TMEM132D: variants seen among roughly 807,000 people sequenced by gnomAD.
TMEM132D encodes the protein mature OL transmembrane protein.
A neutral mutation model predicts 62.3 loss-of-function variants in TMEM132D; 21 were observed. The ratio of observed to expected loss-of-function variants is 0.34; its 90% CI spans 0.24 to 0.49. The LOEUF is 0.49. TMEM132D is among the 20% of genes least tolerant of loss of function. The pLI is 0.99. For missense variants in TMEM132D, 1,346 were observed against 1,402.8 expected (o/e 0.96, Z 0.65); for synonymous variants, 621 against 575.6 (o/e 1.08, Z -1.13).
At chr12:129,390,377 C>T (rs1871258750) in intron 3 of TMEM132D, among the ~76,000 whole-genome samples, 1 of 152,286 alleles carries the variant, frequency 6.6e-6, no homozygotes, top group East Asian at 1.9e-4. Flanking sequence ...CACTTCTTGT[C>T]TACAATTACC....
chr12:129,571,358 G>A (rs1459271068), intron 2 of TMEM132D, among the ~76,000 whole-genome samples: 1 of 152,174 alleles, frequency 6.6e-6, no homozygotes, highest in Non-Finnish European at 1.5e-5. Context: ...GAGGTCAGTA[G>A]TTCAAGACCA....
At chr12:129,710,844 C>T (rs1343037128) in intron 1 of TMEM132D, among the ~76,000 whole-genome samples, 1 of 148,386 alleles carries the variant, frequency 6.7e-6, no homozygotes, top group Non-Finnish European at 1.5e-5. Flanking sequence ...TGTGTTCAGC[C>T]TTAGTGCGCA....
intron 5 of TMEM132D, among the ~76,000 whole-genome samples, chr12:129,096,310 T>C (rs1431525133): frequency 1.3e-5 from 2 of 151,948 alleles, no homozygotes; most frequent in Non-Finnish European, 2.9e-5. Flanking sequence ...CACAGTGGGA[T>C]CGTGAGGTCT....
chr12:129,146,812 T>C (rs1876913047), intron 5 of TMEM132D, among the ~76,000 whole-genome samples: 1 of 152,142 alleles, frequency 6.6e-6, no homozygotes, highest in Admixed American at 6.5e-5. Context: ...CGCAACACAC[T>C]CTTCCAAAGG....
At chr12:129,387,541 T>C (rs1380151913) in intron 3 of TMEM132D, among the ~76,000 whole-genome samples, 3 of 151,502 alleles carry the variant, frequency 2.0e-5, no homozygotes, top group African/African-American at 7.3e-5. Context: ...ACTAATACTA[T>C]GTGCCAAGAC....
intron 3 of TMEM132D, among the ~76,000 whole-genome samples, chr12:129,514,296 C>CT (rs1330397961): frequency 6.6e-5 from 10 of 152,166 alleles, no homozygotes; most frequent in African/African-American, 1.7e-4. Context: ...TTCATTTCTT[C>CT]TTTTTTCTCC....
chr12:129,218,319 T>A (rs1879264854), intron 4 of TMEM132D, among the ~76,000 whole-genome samples: 1 of 152,208 alleles, frequency 6.6e-6, no homozygotes, highest in Non-Finnish European at 1.5e-5. Context: ...GAGAAATGCA[T>A]TGTTAGGCGA....
chr12:129,626,390 A>G (rs1879214348), intron 2 of TMEM132D, among the ~76,000 whole-genome samples: 1 of 152,234 alleles, frequency 6.6e-6, no homozygotes, highest in South Asian at 2.1e-4. Flanking sequence ...AGAAAACATC[A>G]ACATTCAACA....
At chr12:129,898,965 G>A (rs1314593164) in intron 1 of TMEM132D, among the ~76,000 whole-genome samples, 1 of 152,222 alleles carries the variant, frequency 6.6e-6, no homozygotes, top group Admixed American at 6.5e-5. Context: ...GAGGCACTTT[G>A]ACATCTAGAG....
At chr12:129,253,617 C>A (rs1292247113) in intron 4 of TMEM132D, among the ~76,000 whole-genome samples, 1 of 152,208 alleles carries the variant, frequency 6.6e-6, no homozygotes, top group Non-Finnish European at 1.5e-5. Flanking sequence ...CTTAGGCTTA[C>A]CAGCCAGCAG....
In TMEM132D at chr12:129,592,551, T is replaced by C. The variant is rs155370; in HGVS notation, c.969-61346A>G. Among the ~76,000 whole-genome samples the C allele has an allele frequency of 0.29, 44,871 of 152,144 alleles. 7,692 individuals are homozygous for C. Among genetic ancestry groups the C allele is most frequent in the Non-Finnish European group, 0.39 (26,384 of 67,964 alleles). ...GCATAAAATACTTTTTGTGGCATGA[T>C]ATAAAATAAAGATTGGGAACAAGCT... On this transcript the variant is annotated intron_variant, in intron 2 of 8. Transcript: ENST00000422113.
intron 3 of TMEM132D, among the ~76,000 whole-genome samples, chr12:129,380,405 CA>C (rs1428828231): frequency 6.6e-6 from 1 of 152,092 alleles, no homozygotes; most frequent in Non-Finnish European, 1.5e-5. Flanking sequence ...TTCACATGAT[CA>C]CGTAAGAAAT....
intron 1 of TMEM132D, among the ~76,000 whole-genome samples, chr12:129,780,524 A>C (rs1204249765): frequency 6.6e-6 from 1 of 152,084 alleles, no homozygotes; most frequent in African/African-American, 2.4e-5. Context: ...GGCAGCTGTC[A>C]CTTCCAGCCA....
intron 1 of TMEM132D, among the ~76,000 whole-genome samples, chr12:129,804,628 C>G (rs1871915110): frequency 9.2e-6 from 1 of 109,286 alleles, no homozygotes; most frequent in Non-Finnish European, 1.9e-5. Context: ...TGAAAACTGG[C>G]ACAAGACAGG....
intron 2 of TMEM132D, among the ~76,000 whole-genome samples, chr12:129,645,002 A>AT (rs1879737800): frequency 6.6e-6 from 1 of 151,380 alleles, no homozygotes; most frequent in South Asian, 2.1e-4. Context: ...AAAAAAAAAA[A>AT]AAAAAAAATT....
rs1444013144 is a variant in TMEM132D, at chr12:129,363,928, T to C, written c.1116-26111A>G. Among the ~76,000 whole-genome samples the C allele has an allele frequency of 2.0e-5, 3 of 152,358 alleles. No individual in the cohort carries two copies. In the East Asian group the frequency reaches 5.8e-4, roughly 29 times the overall value. On this transcript the variant is annotated intron_variant, in intron 3 of 8. Coordinates refer to ENST00000422113, the MANE Select transcript of TMEM132D (RefSeq NM_133448.3). ...GGGAAAAAGGATTTGATCAAGAAGTTTGCTTTTCTCATACAACCAGTTAGG... is the reference window on the plus strand; with the variant it reads ...GGGAAAAAGGATTTGATCAAGAAGTCTGCTTTTCTCATACAACCAGTTAGG...
At chr12:129,315,924 G>A (rs560671877) in intron 4 of TMEM132D, among the ~76,000 whole-genome samples, 1 of 152,082 alleles carries the variant, frequency 6.6e-6, no homozygotes, top group Non-Finnish European at 1.5e-5. Flanking sequence ...TAGCTTATGT[G>A]CGTAAAGGTG....
At chr12:129,768,390 C>T (rs1410735709) in intron 1 of TMEM132D, among the ~76,000 whole-genome samples, 1 of 151,634 alleles carries the variant, frequency 6.6e-6, no homozygotes, top group Non-Finnish European at 1.5e-5. Flanking sequence ...CAGTGGCCAT[C>T]GTAATGGGTG....
intron 2 of TMEM132D, among the ~76,000 whole-genome samples, chr12:129,676,272 AGTCT>A (rs555453389): frequency 6.2e-4 from 94 of 152,152 alleles, no homozygotes; most frequent in African/African-American, 8.0e-4. Context: ...CCTGTCTGTC[AGTCT>A]GTCTGTCTAC....
Sources: allele counts gnomAD v4.1 joint callset (sites outside exome capture counted in the v4.1 genomes callset), GRCh38; gene constraint gnomAD v4.1.1; transcripts MANE v1.5; gene names NCBI Gene and HGNC (gene_info 2026-07-23, HGNC 2026-07-21).